The following SATB2 variants were observed in gnomAD, a reference collection of about 807,000 sequenced individuals.
The protein encoded by SATB2 is DNA-binding protein SATB2.
SATB2 carries 1 observed loss-of-function variant against 73.4 expected under a neutral mutation model. The ratio of observed to expected loss-of-function variants is 0.01; its 90% CI spans 0.00 to 0.06. The LOEUF is 0.06. Ranked by LOEUF, SATB2 falls within the 10% of genes least tolerant of loss-of-function variation. The probability of loss-of-function intolerance (pLI) is 1.00; values close to 1 mark genes in which losing one functional copy is unlikely to be tolerated. For synonymous variants in SATB2, 397 were observed against 367.0 expected (o/e 1.08, Z -0.93); for missense variants, 459 against 945.8 (o/e 0.49, Z 6.75).
intron 10 of SATB2, among the ~76,000 whole-genome samples, chr2:199,281,908 G>A (rs1692513030): frequency 1.4e-5 from 2 of 144,468 alleles, no homozygotes; most frequent in Admixed American, 7.1e-5. Context: ...TTGAGACAGG[G>A]TCTTGCTCTG....
chr2:199,448,402 T>C (rs1364059753), intron 2 of SATB2, among the ~76,000 whole-genome samples: 3 of 152,060 alleles, frequency 2.0e-5, no homozygotes, highest in Non-Finnish European at 4.4e-5. Flanking sequence ...AATATTTTCT[T>C]GTGTTAAAAA....
At chr2:199,375,906 G>C (rs532154050) in intron 5 of SATB2, among the ~76,000 whole-genome samples, 1 of 152,138 alleles carries the variant, frequency 6.6e-6, no homozygotes, top group Non-Finnish European at 1.5e-5. Flanking sequence ...ATATACTGTT[G>C]AATTACTGTT....
At chr2:199,397,724 A>G (rs1690343154) in intron 3 of SATB2, 1 of 410,834 alleles carries the variant, frequency 2.4e-6, no homozygotes, top group African/African-American at 2.1e-5. Flanking sequence ...CCCTATTACT[A>G]CTAAAAATAC....
At chr2:199,414,942 G>A (rs1036465506) in intron 3 of SATB2, among the ~76,000 whole-genome samples, 5 of 152,188 alleles carry the variant, frequency 3.3e-5, no homozygotes, top group East Asian at 1.9e-4. Context: ...AAGGCAAAAC[G>A]GCAGTCTTCC....
In SATB2 at chr2:199,328,800, C is replaced by T. The variant is rs1398351231; in HGVS notation, c.1284G>A (p.Glu428=). The T allele has an allele frequency of 6.2e-7, 1 of 1,614,066 alleles. No individual in the cohort carries two copies. Among genetic ancestry groups the T allele is most frequent in the Non-Finnish European group, 8.5e-7 (1 of 1,179,964 alleles). Residue 428 remains glutamate, a synonymous_variant, in exon 8 of 11, where the codon GAG becomes GAA. Coordinates refer to ENST00000417098, the MANE Select transcript of SATB2 (RefSeq NM_001172509.2). ...TCTCATCCTGGTAGATGCGATCTCG[C>T]TCCACTTCTGGCAGATTGAGGAAAT... ...MQNFLNLPEV[E]RDRIYQDERE... is the part of the protein sequence containing the mutation.
At chr2:199,369,289 A>G (rs549385161) in intron 5 of SATB2, among the ~76,000 whole-genome samples, 1 of 152,268 alleles carries the variant, frequency 6.6e-6, no homozygotes, top group South Asian at 2.1e-4. Flanking sequence ...TAAAAAATGA[A>G]CCAAAGCTCA....
chr2:199,424,938 G>A (rs16831468), intron 3 of SATB2, among the ~76,000 whole-genome samples: 2,788 of 152,254 alleles, frequency 0.018, 89 homozygotes, highest in African/African-American at 0.063. Flanking sequence ...GTGCTTTAAC[G>A]AATGTGTTTT....
chr2:199,318,271 G>A (rs1233594779), intron 9 of SATB2, among the ~76,000 whole-genome samples: 12 of 151,934 alleles, frequency 7.9e-5, no homozygotes, highest in Non-Finnish European at 1.8e-4. Flanking sequence ...AGTTATCCCA[G>A]CCCCAGTAAA....
chr2:199,460,221 T>C (rs538573257), upstream of SATB2, among the ~76,000 whole-genome samples: 16 of 151,536 alleles, frequency 1.1e-4, no homozygotes, highest in South Asian at 3.3e-3. The surrounding 1 kb of genome is among the most constrained non-coding windows in gnomAD (Gnocchi z 4.0). Flanking sequence ...AGAGCAAAAA[T>C]GGGTCTAGTA....
At chr2:199,442,291 A>G (rs6705250) in intron 2 of SATB2, among the ~76,000 whole-genome samples, 22,035 of 152,200 alleles carry the variant, frequency 0.14, 1,785 homozygotes, top group South Asian at 0.33. Context: ...ACATAAGTGG[A>G]TTCAGGAGCT....
chr2:199,453,584 A>T (rs1692191205), intron 2 of SATB2, among the ~76,000 whole-genome samples: 1 of 152,038 alleles, frequency 6.6e-6, no homozygotes, highest in Non-Finnish European at 1.5e-5. Context: ...ACATTTTTTA[A>T]AATTTAGAAT....
At chr2:199,426,997 C>T (rs1374204111) in intron 3 of SATB2, among the ~76,000 whole-genome samples, 8 of 152,042 alleles carry the variant, frequency 5.3e-5, no homozygotes. Flanking sequence ...CCTCAGCCTC[C>T]CGCATAGCTG....
chr2:199,394,875 C>T (rs890863046), intron 3 of SATB2, among the ~76,000 whole-genome samples: 3 of 151,838 alleles, frequency 2.0e-5, no homozygotes, highest in Non-Finnish European at 4.4e-5. Flanking sequence ...ATCAACTTCC[C>T]ACCTCTAAAA....
At chr2:199,363,041 A>T (rs2105843013) in intron 6 of SATB2, among the ~76,000 whole-genome samples, 1 of 152,338 alleles carries the variant, frequency 6.6e-6, no homozygotes, top group East Asian at 1.9e-4. Flanking sequence ...TTTATGAATA[A>T]GTATATTCAG....
intron 9 of SATB2, among the ~76,000 whole-genome samples, chr2:199,317,703 T>C (rs1559158269): frequency 1.3e-5 from 2 of 151,944 alleles, no homozygotes; most frequent in African/African-American, 2.4e-5. Flanking sequence ...CAATTCTTGA[T>C]CATGAGGTTG....
intron 10 of SATB2, among the ~76,000 whole-genome samples, chr2:199,299,956 ATTG>A (rs1318990505): frequency 6.6e-6 from 1 of 152,098 alleles, no homozygotes; most frequent in Non-Finnish European, 1.5e-5. Context: ...GTTTAGATTT[ATTG>A]TTGTTGTTTT....
intron 3 of SATB2, among the ~76,000 whole-genome samples, chr2:199,411,973 C>T (rs1574603651): frequency 1.3e-5 from 2 of 152,036 alleles, no homozygotes; most frequent in African/African-American, 2.4e-5. Flanking sequence ...TTTCAGAAAA[C>T]GCCTAAGGAC....
intron 6 of SATB2, among the ~76,000 whole-genome samples, chr2:199,355,203 G>GTA (rs1342452403): frequency 3.1e-4 from 45 of 147,388 alleles, no homozygotes; most frequent in African/African-American, 8.3e-4. Context: ...CACTATATAT[G>GTA]TATATATATA....
intron 10 of SATB2, among the ~76,000 whole-genome samples, chr2:199,302,753 T>C (rs1438700871): frequency 6.6e-6 from 1 of 152,212 alleles, no homozygotes; most frequent in Non-Finnish European, 1.5e-5. Flanking sequence ...AAGATGTCCT[T>C]CAGGAAGCAA....
Sources: gnomAD v4.1 joint callset for allele counts (sites outside exome capture counted in the v4.1 genomes callset) on GRCh38, gnomAD v4.1.1 for gene constraint, Gnocchi (gnomAD v3.1) non-coding constraint, MANE v1.5 for transcripts, NCBI Gene and HGNC (gene_info 2026-07-23, HGNC 2026-07-21) for gene names.